Variants in TRAPPC10 observed in about 807,000 individuals in gnomAD.
TRAPPC10 encodes the protein trafficking protein particle complex subunit 10.
In TRAPPC10, 23 loss-of-function variants were observed where a neutral mutation model predicts 125.5. That is an observed-to-expected ratio of 0.18 (90% confidence interval 0.13 to 0.26). The LOEUF is 0.26. Among genes scored for constraint, TRAPPC10 ranks in the 10% least tolerant of loss-of-function variants. TRAPPC10 has a pLI of 1.00. For missense variants in TRAPPC10, 1,123 were observed against 1,308.4 expected (o/e 0.86, Z 2.19); for synonymous variants, 509 against 518.0 (o/e 0.98, Z 0.24).
At chr21:44,053,788 G>T (rs2035381715) in intron 4 of TRAPPC10, among the ~76,000 whole-genome samples, 1 of 152,096 alleles carries the variant, frequency 6.6e-6, no homozygotes, top group South Asian at 2.1e-4. Context: ...TGCGCGCCTG[G>T]GGGGATCACG....
Position 44,045,658 on chromosome 21 carries a change from T to C in TRAPPC10, c.286-6622T>C, listed in dbSNP as rs1462802181. Among the ~76,000 whole-genome samples the C allele has an allele frequency of 2.0e-5, 3 of 151,942 alleles. No homozygotes were observed. The East Asian group carries it at 5.8e-4, about 29-fold the overall frequency. ...CCTCCGCCTCCCGGGTTCAAGCGAT[T>C]CTCCTGCCTCAGCCTCCTGAGTAGC... On this transcript the variant is annotated intron_variant, in intron 3 of 22. Transcript: ENST00000291574.
At chr21:44,035,017 A>G (rs2033888512) in intron 2 of TRAPPC10, among the ~76,000 whole-genome samples, 2 of 152,210 alleles carry the variant, frequency 1.3e-5, no homozygotes, top group Admixed American at 1.3e-4. Flanking sequence ...GGTTTGTGGT[A>G]GTTTGTGACA....
chr21:44,057,582 G>T (rs192218801), intron 5 of TRAPPC10, among the ~76,000 whole-genome samples: 1 of 152,116 alleles, frequency 6.6e-6, no homozygotes, highest in Non-Finnish European at 1.5e-5. Flanking sequence ...ACTGCACCCG[G>T]CCTGAGCTGT....
chr21:44,070,188 C>T (rs2036764832), intron 7 of TRAPPC10, among the ~76,000 whole-genome samples: 1 of 152,048 alleles, frequency 6.6e-6, no homozygotes, highest in South Asian at 2.1e-4. Flanking sequence ...GGGTTGCACT[C>T]AAGTGGTAGG....
At chr21:44,072,022 A>AT (rs1221712027) in intron 7 of TRAPPC10, among the ~76,000 whole-genome samples, 3 of 152,148 alleles carry the variant, frequency 2.0e-5, no homozygotes, top group Non-Finnish European at 4.4e-5. Flanking sequence ...GTGCCACTGG[A>AT]TTTTGTTGTT....
chr21:44,059,057 T>A lies in TRAPPC10; in HGVS notation c.679-46T>A, dbSNP rs1338734775. 1.0e-5 allele frequency: 15 copies of A among 1,456,632 alleles called. No individual in the cohort carries two copies. Among genetic ancestry groups the A allele is most frequent in the African/African-American group, 1.4e-5 (1 of 70,596 alleles). The allele number at this position is 1,456,632 out of a possible 1,614,324, so 90.2% of individuals were successfully genotyped here. A position where few individuals can be genotyped will look rare whatever the true frequency, so the allele number is the denominator to read the frequency against. On this transcript the variant is annotated intron_variant, in intron 5 of 22. Transcript: ENST00000291574. The surrounding 1 kb of genome is among the most constrained non-coding windows in gnomAD (Gnocchi z 4.4). ...GCTACATACTGTTTCTTCTATACAT[T>A]GATTTATGTTTTTGTTTTTTTAAAA...
At position 44,076,555 on chromosome 21, in the gene TRAPPC10, A is replaced by G. The variant is rs1449634133; in HGVS notation, c.1304A>G (p.Asn435Ser). 6 of 1,613,908 alleles carry G rather than the reference A, an allele frequency of 3.7e-6. No individual in the cohort carries two copies. The highest frequency in any genetic ancestry group is 2.7e-5 in the African/African-American group (2 of 74,938). ...CTCTCGTTTCTTTCTGTTTAAGCCA[A>G]CACAGCTCAGAGTCCTTATAAGAAA... is the stretch of plus-strand genomic sequence containing the variant. ...GLGAERPETA[N>S]TAQSPYKKLK... Residue 435 changes from asparagine to serine, a missense_variant, in exon 10 of 23, where the codon AAC becomes AGC. By Grantham distance (46) the Asn-to-Ser change is conservative (BLOSUM62 1). This residue lies in a region of TRAPPC10 where 840 missense variants were observed against 902.0 expected (regional missense o/e 0.93). Coordinates refer to ENST00000291574, the MANE Select transcript of TRAPPC10 (RefSeq NM_003274.5).
chr21:44,014,670 C>T (rs1335263382), intron 1 of TRAPPC10, among the ~76,000 whole-genome samples: 1 of 150,340 alleles, frequency 6.7e-6, no homozygotes, highest in Non-Finnish European at 1.5e-5. Flanking sequence ...CTTGGGTTGT[C>T]CACCTGCGCA....
At chr21:44,089,414 T>C (rs1319254172) in intron 17 of TRAPPC10, 1 of 392,966 alleles carries the variant, frequency 2.5e-6, no homozygotes, top group Admixed American at 2.8e-5. Flanking sequence ...ATTCATTAAC[T>C]ATGGAGTAGT....
chr21:44,025,832 G>T (rs1467471959), intron 1 of TRAPPC10, among the ~76,000 whole-genome samples: 186 of 29,840 alleles, frequency 6.2e-3, no homozygotes, highest in Middle Eastern at 0.018. Flanking sequence ...GTGTGTGTGT[G>T]TGTGTGTGTG....
chr21:44,027,327 A>G (rs2033164118), intron 1 of TRAPPC10, among the ~76,000 whole-genome samples: 1 of 152,182 alleles, frequency 6.6e-6, no homozygotes, highest in South Asian at 2.1e-4. Context: ...TGATCCTTTT[A>G]TACTTTTGTA....
intron 1 of TRAPPC10, among the ~76,000 whole-genome samples, chr21:44,020,192 C>T (rs1442331097): frequency 2.0e-5 from 3 of 150,880 alleles, no homozygotes; most frequent in Admixed American, 2.0e-4. Context: ...GTGATCTCGG[C>T]TTACTGCAAG....
intron 3 of TRAPPC10, among the ~76,000 whole-genome samples, chr21:44,047,565 T>TGTGTGCGC (rs954810521): frequency 1.2e-4 from 17 of 147,202 alleles, no homozygotes; most frequent in African/African-American, 2.6e-4. Flanking sequence ...TGTGTGTGTG[T>TGTGTGCGC]GCGCGCACAC....
intron 7 of TRAPPC10, among the ~76,000 whole-genome samples, chr21:44,071,195 C>T (rs1161709913): frequency 3.3e-5 from 5 of 152,096 alleles, no homozygotes; most frequent in African/African-American, 9.7e-5. Context: ...TGATGGTGGC[C>T]GAAGTCAGGA....
intron 7 of TRAPPC10, among the ~76,000 whole-genome samples, chr21:44,072,890 C>T (rs988719934): frequency 6.6e-6 from 1 of 152,202 alleles, no homozygotes; most frequent in Non-Finnish European, 1.5e-5. Context: ...GATCTCCTGG[C>T]ACCTGGGAAC....
intron 1 of TRAPPC10, among the ~76,000 whole-genome samples, chr21:44,027,616 G>A (rs1258656601): frequency 2.0e-5 from 3 of 152,222 alleles, no homozygotes; most frequent in Non-Finnish European, 4.4e-5. Flanking sequence ...AGTTCTTGAT[G>A]TCTTGGTTTC....
chr21:44,039,848 A>G (rs2034288638), intron 3 of TRAPPC10, among the ~76,000 whole-genome samples: 1 of 152,200 alleles, frequency 6.6e-6, no homozygotes, highest in South Asian at 2.1e-4. Context: ...TGGGAGACAG[A>G]GCAAGACTCT....
chr21:44,091,835 A>G, intron 18 of TRAPPC10, 88 bp from the exon 19 acceptor site: 1 of 1,279,704 alleles, frequency 7.8e-7, no homozygotes, highest in Non-Finnish European at 1.1e-6. Flanking sequence ...TTGATTCCCC[A>G]GGCAGAGAGG....
chr21:44,038,520 G>A (rs1339106988), intron 3 of TRAPPC10, among the ~76,000 whole-genome samples: 1 of 151,964 alleles, frequency 6.6e-6, no homozygotes, highest in East Asian at 1.9e-4. Context: ...TCCGTGGAAC[G>A]AGTGGGCCTC....
Sources: gnomAD v4.1 joint callset for allele counts (sites outside exome capture counted in the v4.1 genomes callset) on GRCh38, gnomAD v4.1.1 for gene constraint, gnomAD v4.1.1 regional missense constraint, Gnocchi (gnomAD v3.1) non-coding constraint, MANE v1.5 for transcripts, NCBI Gene and HGNC (gene_info 2026-07-23, HGNC 2026-07-21) for gene names.